Variants in SUMF1 observed in about 807,000 individuals in gnomAD.
SUMF1 encodes sulfatase modifying factor 1.
SUMF1 carries 48 observed loss-of-function variants against 47.6 expected under a neutral mutation model. That is an observed-to-expected ratio of 1.01 (90% CI 0.80 to 1.28). SUMF1 has a LOEUF of 1.28. Among genes scored for constraint, SUMF1 ranks in the 50% most tolerant of loss-of-function variants. SUMF1 has a pLI of 0.00. For synonymous variants in SUMF1, 230 were observed against 192.1 expected (o/e 1.20, Z -1.63); for missense variants, 571 against 485.4 (o/e 1.18, Z -1.66).
At chr3:4,355,668 T>C (rs1699602132) in intron 8 of SUMF1, among the ~76,000 whole-genome samples, 1 of 152,200 alleles carries the variant, frequency 6.6e-6, no homozygotes, top group Non-Finnish European at 1.5e-5. Flanking sequence ...GCTAATATGC[T>C]AGAAAAGAGT....
At chr3:4,286,204 T>C (rs1453483928) in intron 8 of SUMF1, among the ~76,000 whole-genome samples, 1 of 152,072 alleles carries the variant, frequency 6.6e-6, no homozygotes, top group African/African-American at 2.4e-5. Context: ...CTTTTTAACA[T>C]TTATAAATGG....
intron 3 of SUMF1, 119 bp downstream of exon 3, chr3:4,449,147 C>T (rs1346583604): frequency 9.0e-7 from 1 of 1,105,214 alleles, no homozygotes; most frequent in Non-Finnish European, 1.4e-6. Flanking sequence ...CAATCCTCAG[C>T]AGGAGAATGG....
intron 8 of SUMF1, among the ~76,000 whole-genome samples, chr3:4,072,986 A>G (rs1179950168): frequency 6.6e-6 from 1 of 152,148 alleles, no homozygotes; most frequent in Non-Finnish European, 1.5e-5. Flanking sequence ...TATAGAGAAC[A>G]CCACAAAGAT....
chr3:4,318,941 C>G (rs548531253), intron 8 of SUMF1, among the ~76,000 whole-genome samples: 1 of 152,018 alleles, frequency 6.6e-6, no homozygotes, highest in African/African-American at 2.4e-5. Context: ...AATAATAAGA[C>G]AAATGACCCA....
At chr3:4,185,912 G>C (rs1377845956) in intron 8 of SUMF1, among the ~76,000 whole-genome samples, 3 of 152,116 alleles carry the variant, frequency 2.0e-5, no homozygotes, top group Non-Finnish European at 2.9e-5. Context: ...TTAAAAAGGG[G>C]CATTCTCTCA....
chr3:4,393,431 C>G (rs919591232), intron 7 of SUMF1, among the ~76,000 whole-genome samples: 3 of 152,286 alleles, frequency 2.0e-5, no homozygotes, highest in East Asian at 3.9e-4. Flanking sequence ...CTCCTGGGGT[C>G]AAGTGATCCT....
chr3:4,212,331 C>A (rs1366775202), intron 8 of SUMF1, among the ~76,000 whole-genome samples: 1 of 152,140 alleles, frequency 6.6e-6, no homozygotes, highest in Non-Finnish European at 1.5e-5. Flanking sequence ...AGACCTGCGG[C>A]AGAGGGGCCT....
chr3:4,271,276 C>A (rs1327558770), intron 8 of SUMF1, among the ~76,000 whole-genome samples: 1 of 152,050 alleles, frequency 6.6e-6, no homozygotes, highest in Non-Finnish European at 1.5e-5. Context: ...AGGCATTTGA[C>A]CAAATTTCAG....
chr3:4,353,313 C>G (rs879444244), intron 8 of SUMF1, among the ~76,000 whole-genome samples: 1 of 152,014 alleles, frequency 6.6e-6, no homozygotes. Context: ...AGTACAGTGG[C>G]GTGATCTCCG....
chr3:4,377,889 C>T (rs1700379465), intron 7 of SUMF1, among the ~76,000 whole-genome samples: 1 of 152,184 alleles, frequency 6.6e-6, no homozygotes, highest in African/African-American at 2.4e-5. Context: ...GGGACAACCC[C>T]ACTCCTATCT....
intron 8 of SUMF1, among the ~76,000 whole-genome samples, chr3:4,223,272 G>C (rs1420196024): frequency 3.9e-5 from 6 of 152,160 alleles, no homozygotes; most frequent in Admixed American, 3.9e-4. Flanking sequence ...TTCAGGATCA[G>C]ACAGGTTCAA....
chr3:4,213,205 G>C (rs1022872711), intron 8 of SUMF1, among the ~76,000 whole-genome samples: 7 of 152,148 alleles, frequency 4.6e-5, no homozygotes, highest in African/African-American at 1.7e-4. Context: ...CAGACTAACA[G>C]CAAATCTCTC....
At chr3:4,455,561 C>T (rs1334595406) in intron 1 of SUMF1, among the ~76,000 whole-genome samples, 1 of 152,050 alleles carries the variant, frequency 6.6e-6, no homozygotes, top group Non-Finnish European at 1.5e-5. Context: ...ACTAAAAATA[C>T]AAAAAATTAG....
intron 8 of SUMF1, among the ~76,000 whole-genome samples, chr3:4,277,125 C>A (rs1443382067): frequency 2.6e-5 from 4 of 152,086 alleles, no homozygotes; most frequent in Admixed American, 1.3e-4. Flanking sequence ...CTCCTCACTC[C>A]CAATCCCCCA....
At chr3:4,072,393 C>A (rs1023672422) in intron 8 of SUMF1, among the ~76,000 whole-genome samples, 1 of 152,106 alleles carries the variant, frequency 6.6e-6, no homozygotes, top group Non-Finnish European at 1.5e-5. Flanking sequence ...AGCAGAAAGC[C>A]TGAAAATTCC....
intron 8 of SUMF1, among the ~76,000 whole-genome samples, chr3:4,219,440 T>A (rs1696013683): frequency 6.6e-6 from 1 of 152,186 alleles, no homozygotes; most frequent in African/African-American, 2.4e-5. Flanking sequence ...CAGAGTTCTT[T>A]CTGCTGTGCC....
chr3:4,265,549 T>C (rs1005660941), intron 8 of SUMF1, among the ~76,000 whole-genome samples: 2 of 152,186 alleles, frequency 1.3e-5, no homozygotes, highest in Non-Finnish European at 1.5e-5. Flanking sequence ...ACTATACTAT[T>C]TTACAAAGGC....
intron 8 of SUMF1, among the ~76,000 whole-genome samples, chr3:4,153,214 CTTT>C (rs1056716465): frequency 6.6e-6 from 1 of 150,986 alleles, no homozygotes; most frequent in African/African-American, 2.5e-5. Context: ...TGAGGATTTT[CTTT>C]TTTTTCTTTT....
chr3:4,283,302 A>T (rs1357658377), intron 8 of SUMF1, among the ~76,000 whole-genome samples: 3 of 152,194 alleles, frequency 2.0e-5, no homozygotes, highest in African/African-American at 7.2e-5. Context: ...GTATCATTTC[A>T]TCCTTTTATT....
Sources: allele counts gnomAD v4.1 joint callset (sites outside exome capture counted in the v4.1 genomes callset), GRCh38; gene constraint gnomAD v4.1.1; transcripts MANE v1.5; gene names NCBI Gene and HGNC (gene_info 2026-07-23, HGNC 2026-07-21).